Variants in HTR2C observed in about 807,000 individuals in gnomAD.
The protein encoded by HTR2C is 5-hydroxytryptamine receptor 2C.
HTR2C carries 5 observed loss-of-function variants against 21.0 expected under a neutral mutation model. The observed-to-expected ratio is 0.24, with a 90% confidence interval of 0.12 to 0.50. HTR2C has a LOEUF of 0.50. Ranked by LOEUF, HTR2C falls within the 20% of genes least tolerant of loss-of-function variation. HTR2C has a pLI of 0.98. For missense variants in HTR2C, 271 were observed against 371.2 expected (o/e 0.73, Z 2.22); for synonymous variants, 150 against 145.3 (o/e 1.03, Z -0.23).
chrX:114,623,200 A>G (rs1288582802), intron 2 of HTR2C, among the ~76,000 whole-genome samples: 1 of 112,251 alleles, frequency 8.9e-6, no homozygotes, highest in Non-Finnish European at 1.9e-5. Flanking sequence ...TATATTTAAC[A>G]TATGAGGCCT....
intron 2 of HTR2C, among the ~76,000 whole-genome samples, chrX:114,680,139 A>G (rs1358956811): frequency 1.8e-5 from 2 of 112,318 alleles, no homozygotes; most frequent in African/African-American, 6.5e-5. Flanking sequence ...GTTAATTACC[A>G]GGTCCTAAAG....
Position 114,847,875 on chromosome X carries a change from A to G in HTR2C, c.350-128A>G, listed in dbSNP as rs782740814. On this transcript the variant is annotated intron_variant, in intron 4 of 5. Coordinates refer to ENST00000276198, the MANE Select transcript of HTR2C (RefSeq NM_000868.4). ...CACCATCATCATCCCTATAGAAAAT[A>G]ATGCTTCCTAAATTTCACTTTCTTT... 6.2e-6 allele frequency: 3 copies of G among 481,829 alleles called. No individual in the cohort carries two copies. The Admixed American group carries it at 1.1e-4, about 18-fold the overall frequency. 39.7% of individuals were successfully genotyped at this position (481,829 alleles called of 1,213,427 possible). A position where few individuals can be genotyped will look rare whatever the true frequency, so the allele number is the denominator to read the frequency against.
intron 1 of HTR2C, among the ~76,000 whole-genome samples, chrX:114,610,828 G>C (rs1191962200): frequency 1.8e-5 from 2 of 111,208 alleles, no homozygotes; most frequent in Non-Finnish European, 3.8e-5. Context: ...AATTGGAAAG[G>C]AGAGTGTATG....
intron 1 of HTR2C, among the ~76,000 whole-genome samples, chrX:114,585,207 C>A (rs781977310): frequency 5.4e-5 from 6 of 110,323 alleles, no homozygotes; most frequent in Non-Finnish European, 9.5e-5. Context: ...GAAAAGCGAC[C>A]CTAATTTTTC....
chrX:114,835,965 G>C (rs868983823), intron 4 of HTR2C, among the ~76,000 whole-genome samples: 2 of 108,076 alleles, frequency 1.9e-5, no homozygotes, highest in Admixed American at 9.9e-5. Context: ...ATACCCTGCC[G>C]TGTGAGGTGT....
At chrX:114,761,319 A>C (rs990018276) in intron 4 of HTR2C, among the ~76,000 whole-genome samples, 4 of 111,043 alleles carry the variant, frequency 3.6e-5, no homozygotes, top group Non-Finnish European at 7.5e-5. Flanking sequence ...ATTCCTGTGG[A>C]AGTTATAAAA....
chrX:114,809,349 C>A (rs1043661459), intron 4 of HTR2C, among the ~76,000 whole-genome samples: 1 of 108,170 alleles, frequency 9.2e-6, no homozygotes, highest in Non-Finnish European at 1.9e-5. Flanking sequence ...GCTCTTCAGT[C>A]AGCTTATGGT....
chrX:114,749,880 A>G (rs898816964), intron 4 of HTR2C, among the ~76,000 whole-genome samples: 5 of 112,312 alleles, frequency 4.5e-5, no homozygotes, highest in South Asian at 7.3e-4. Flanking sequence ...ATTTCAATAT[A>G]TATGTTTTCA....
At chrX:114,893,734 C>T (rs782611296) in intron 5 of HTR2C, among the ~76,000 whole-genome samples, 26 of 111,039 alleles carry the variant, frequency 2.3e-4, no homozygotes, top group South Asian at 7.4e-4. Context: ...CTTTGAAAGA[C>T]GACAATATTA....
chrX:114,632,238 T>C (rs782431407), intron 2 of HTR2C, among the ~76,000 whole-genome samples: 49 of 111,853 alleles, frequency 4.4e-4, no homozygotes, highest in Non-Finnish European at 8.5e-4. Flanking sequence ...AAGTAAAAAA[T>C]AATTATTTTG....
intron 2 of HTR2C, among the ~76,000 whole-genome samples, chrX:114,649,910 C>T (rs12687666): frequency 0.15 from 16,396 of 111,064 alleles, 889 homozygotes; most frequent in South Asian, 0.31. Flanking sequence ...CCACCGTGCC[C>T]GGCCTTTTCT....
At chrX:114,723,023 G>T (rs1204913937) in intron 2 of HTR2C, among the ~76,000 whole-genome samples, 4 of 111,484 alleles carry the variant, frequency 3.6e-5, no homozygotes, top group African/African-American at 1.3e-4. Flanking sequence ...GATGATGCTG[G>T]CCTCATCAAA....
intron 1 of HTR2C, among the ~76,000 whole-genome samples, chrX:114,597,413 G>T (rs1556392901): frequency 9.0e-6 from 1 of 110,642 alleles, no homozygotes; most frequent in Non-Finnish European, 1.9e-5. Flanking sequence ...AAACTGTATT[G>T]GCATGCAACA....
intron 5 of HTR2C, among the ~76,000 whole-genome samples, chrX:114,853,304 T>G (rs180710296): frequency 9.0e-6 from 1 of 111,690 alleles, no homozygotes; most frequent in Admixed American, 9.6e-5. Flanking sequence ...ATGTTATAAA[T>G]GAAAATATTT....
intron 4 of HTR2C, among the ~76,000 whole-genome samples, chrX:114,760,723 C>G (rs2069858146): frequency 9.0e-6 from 1 of 110,609 alleles, no homozygotes; most frequent in African/African-American, 3.3e-5. Context: ...GGGTCTCACT[C>G]TGTTGCCCAG....
At chrX:114,814,132 G>A (rs2070560302) in intron 4 of HTR2C, among the ~76,000 whole-genome samples, 1 of 109,587 alleles carries the variant, frequency 9.1e-6, no homozygotes, top group African/African-American at 3.3e-5. Context: ...GTCATTCTAG[G>A]CAAGACAGAC....
intron 5 of HTR2C, among the ~76,000 whole-genome samples, chrX:114,855,060 ATC>A (rs1236099326): frequency 9.0e-6 from 1 of 111,704 alleles, no homozygotes; most frequent in Non-Finnish European, 1.9e-5. Flanking sequence ...CTAGATTCTC[ATC>A]TCTGTTTTTT....
intron 4 of HTR2C, among the ~76,000 whole-genome samples, chrX:114,732,794 C>T (rs1278192203): frequency 1.8e-5 from 2 of 111,041 alleles, no homozygotes; most frequent in African/African-American, 6.5e-5. Context: ...GTGTCTGTTT[C>T]GCCAGCTTCT....
chrX:114,702,759 G>A (rs1444255158), intron 2 of HTR2C, among the ~76,000 whole-genome samples: 83 of 106,219 alleles, frequency 7.8e-4, no homozygotes, highest in African/African-American at 2.6e-3. Context: ...AAAAGACACA[G>A]ACTGGCAAAT....
Sources: gnomAD v4.1 joint callset for allele counts (sites outside exome capture counted in the v4.1 genomes callset) on GRCh38, gnomAD v4.1.1 for gene constraint, MANE v1.5 for transcripts, NCBI Gene and HGNC (gene_info 2026-07-23, HGNC 2026-07-21) for gene names.